Variants in KDM7A observed in about 807,000 individuals in gnomAD.
KDM7A encodes lysine-specific demethylase 7A.
Under a neutral mutation model 114.8 loss-of-function variants are expected in KDM7A, and 28 were observed. The observed-to-expected ratio is 0.24, with a 90% CI of 0.18 to 0.33. The LOEUF (loss-of-function observed/expected upper bound fraction) is 0.33, where lower values mean the gene tolerates loss of function less well. Ranked by LOEUF, KDM7A falls within the 10% of genes least tolerant of loss-of-function variation. The pLI is 1.00. For missense variants in KDM7A, 942 were observed against 1,142.5 expected, an observed-to-expected ratio of 0.82 and a Z score of 2.53; for synonymous variants, 423 against 397.8, an observed-to-expected ratio of 1.06 and a Z score of -0.75.
chr7:140,100,719 T>TATACAC (rs1818204398), intron 12 of KDM7A, among the ~76,000 whole-genome samples: 1 of 59,720 alleles, frequency 1.7e-5, no homozygotes, highest in Non-Finnish European at 3.4e-5. Flanking sequence ...CACATATATA[T>TATACAC]ATATATATAT....
Position 140,100,800 on chromosome 7 carries a change from G to A in KDM7A, c.1639-777C>T, listed in dbSNP as rs373207705. Among the ~76,000 whole-genome samples, 34 of 144,610 alleles carry A rather than the reference G, an allele frequency of 2.4e-4. No individual in the cohort carries two copies. The South Asian group carries it at 5.7e-3, about 24-fold the overall frequency. The allele number at this position is 144,610 out of a possible 152,430, so 94.9% of individuals were successfully genotyped here. Reference sequence around the variant, plus strand: ...TTTGGAGACGGAGTCTCGCTCTGTCGCCCAGGCTGGAGTGCAATGGCATGA... The same window carrying A: ...TTTGGAGACGGAGTCTCGCTCTGTCACCCAGGCTGGAGTGCAATGGCATGA... On this transcript the variant is annotated intron_variant, in intron 12 of 19. Transcript: ENST00000397560.
At chr7:140,100,731 TATATATATATACATATATA>T (rs1562946133) in intron 12 of KDM7A, among the ~76,000 whole-genome samples, 12 of 49,952 alleles carry the variant, frequency 2.4e-4, no homozygotes, top group African/African-American at 9.0e-4. Context: ...TATATATATA[TATATATATATACATATATA>T]TTTTTTTGTT....
Position 140,085,681 on chromosome 7 carries a change from T to C in KDM7A, c.*5413A>G, listed in dbSNP as rs917755451. 1 of 152,218 alleles carries C rather than the reference T, an allele frequency of 6.6e-6. No homozygotes were observed. Among genetic ancestry groups the C allele is most frequent in the African/African-American group, 2.4e-5 (1 of 41,458 alleles). 9.4% of individuals were successfully genotyped at this position (152,218 alleles called of 1,614,324 possible). A position where few individuals can be genotyped will look rare whatever the true frequency, so the allele number is the denominator to read the frequency against. On this transcript the variant is annotated 3_prime_UTR_variant, in exon 20 of 20. Coordinates refer to ENST00000397560, the MANE Select transcript of KDM7A (RefSeq NM_030647.2). ...ATTGAGGTTATAGCTTTTGATTCAG[T>C]CTAACCATAAACTGTAAGGCCCTTA...
At chr7:140,092,617 G>A (rs942242620) in intron 18 of KDM7A, among the ~76,000 whole-genome samples, 33 of 152,112 alleles carry the variant, frequency 2.2e-4, no homozygotes, top group African/African-American at 7.7e-4. Context: ...CAAAAAAAAC[G>A]CTACTGATTG....
intron 12 of KDM7A, among the ~76,000 whole-genome samples, chr7:140,100,712 A>G (rs1316661164): frequency 1.0e-4 from 3 of 29,168 alleles, no homozygotes; most frequent in African/African-American, 2.4e-4. Flanking sequence ...ATATATACAC[A>G]TATATATATA....
intron 13 of KDM7A, among the ~76,000 whole-genome samples, chr7:140,099,660 G>A (rs1030272876): frequency 6.6e-6 from 1 of 152,160 alleles, no homozygotes; most frequent in Non-Finnish European, 1.5e-5. Context: ...ATTGTCATAG[G>A]AGCGTGAACC....
chr7:140,160,011 C>T (rs1794501182), intron 1 of KDM7A, among the ~76,000 whole-genome samples: 1 of 150,948 alleles, frequency 6.6e-6, no homozygotes, highest in African/African-American at 2.4e-5. Context: ...TCATCATTAC[C>T]CTTCTGACAA....
rs1274742995 is a variant in KDM7A at position 140,086,454 on chromosome 7, A to T, written c.*4640T>A. On this transcript the variant is annotated 3_prime_UTR_variant, in exon 20 of 20. Transcript: ENST00000397560. The stretch of plus-strand genomic sequence containing the variant: ...TCACAACAAGCTCATTGCTTTGGAA[A>T]TAGACATTTGCTTCCTAATGACCTT... The T allele has an allele frequency of 6.6e-6, 1 of 152,222 alleles. No individual in the cohort carries two copies. The highest frequency in any genetic ancestry group is 2.4e-5 in the African/African-American group (1 of 41,464). 9.4% of individuals were successfully genotyped at this position (152,222 alleles called of 1,614,324 possible). A position where few individuals can be genotyped will look rare whatever the true frequency, so the allele number is the denominator to read the frequency against.
chr7:140,171,264 T>C (rs1794635390), intron 1 of KDM7A, among the ~76,000 whole-genome samples: 2 of 148,492 alleles, frequency 1.3e-5, no homozygotes, highest in African/African-American at 5.0e-5. Flanking sequence ...ATCGAGACCA[T>C]CCTGGCTAAC....
chr7:140,167,361 G>C (rs1388192954), intron 1 of KDM7A, among the ~76,000 whole-genome samples: 1 of 152,090 alleles, frequency 6.6e-6, no homozygotes, highest in Non-Finnish European at 1.5e-5. Flanking sequence ...TACTACAAAA[G>C]CCTCTGTAAT....
intron 5 of KDM7A, among the ~76,000 whole-genome samples, chr7:140,127,038 C>T (rs1378513579): frequency 1.3e-5 from 2 of 152,232 alleles, no homozygotes; most frequent in Non-Finnish European, 2.9e-5. Context: ...TGGCTCACTG[C>T]AAACTCCATC....
Position 140,092,082 on chromosome 7 carries a change from A to C in KDM7A, c.2458-5T>G, listed in dbSNP as rs1818029729. Reference sequence around the variant, plus strand: ...TTTCTGGCTTCTACTTAGATCCTGAAGGAGGAGGAAGGACATGAGGCTGAA... The same window carrying C: ...TTTCTGGCTTCTACTTAGATCCTGACGGAGGAGGAAGGACATGAGGCTGAA... On this transcript the variant is annotated splice_polypyrimidine_tract_variant and splice_region_variant and intron_variant, in intron 18 of 19. Transcript: ENST00000397560. The C allele has an allele frequency of 1.9e-6, 3 of 1,613,660 alleles. No individual in the cohort carries two copies. The East Asian group carries it at 6.7e-5, about 36-fold the overall frequency.
chr7:140,142,805 T>C (rs1229646735), intron 1 of KDM7A, among the ~76,000 whole-genome samples: 3 of 152,080 alleles, frequency 2.0e-5, no homozygotes, highest in Non-Finnish European at 4.4e-5. Context: ...TACCTACCTA[T>C]ACAAAACCGC....
chr7:140,165,797 G>A (rs749162649), intron 1 of KDM7A, among the ~76,000 whole-genome samples: 2 of 151,758 alleles, frequency 1.3e-5, no homozygotes, highest in Non-Finnish European at 2.9e-5. Context: ...ATGCAGATAT[G>A]CCAAAGAGAA....
chr7:140,105,838 T>G (rs1339587090), intron 11 of KDM7A, among the ~76,000 whole-genome samples: 1 of 152,236 alleles, frequency 6.6e-6, no homozygotes, highest in Non-Finnish European at 1.5e-5. Flanking sequence ...CTTTTTCTAT[T>G]GATTGGAATA....
chr7:140,163,780 T>TG (rs1794545414), intron 1 of KDM7A, among the ~76,000 whole-genome samples: 1 of 152,118 alleles, frequency 6.6e-6, no homozygotes, highest in African/African-American at 2.4e-5. Flanking sequence ...ATCAATTAAC[T>TG]GAAAAAATCA....
At chr7:140,137,217 A>G (rs1203615964) in intron 2 of KDM7A, among the ~76,000 whole-genome samples, 1 of 152,300 alleles carries the variant, frequency 6.6e-6, no homozygotes, top group Admixed American at 6.5e-5. Context: ...TTCAGGGATG[A>G]GAAGCATAGG....
rs577343925 is a variant in KDM7A, at chr7:140,125,869, G to A, written c.888+768C>T. On this transcript the variant is annotated intron_variant, in intron 6 of 19. Transcript: ENST00000397560. ...TCCTGCCTCAGCCTCTTGAGTAGCT[G>A]TGACTACAAGCATGAGCCACCATGC... Among the ~76,000 whole-genome samples the A allele has an allele frequency of 5.3e-5, 8 of 152,046 alleles. No individual in the cohort carries two copies. The East Asian group carries it at 1.4e-3, about 26-fold the overall frequency.
intron 3 of KDM7A, 23 bp from the exon 4 acceptor site, chr7:140,129,676 A>G: frequency 6.5e-7 from 1 of 1,547,526 alleles, no homozygotes; most frequent in Non-Finnish European, 8.9e-7. Flanking sequence ...ATAAGAATAA[A>G]AATGTCATTT....
Sources: gnomAD v4.1 joint callset for allele counts (sites outside exome capture counted in the v4.1 genomes callset) on GRCh38, gnomAD v4.1.1 for gene constraint, MANE v1.5 for transcripts, NCBI Gene and HGNC (gene_info 2026-07-23, HGNC 2026-07-21) for gene names.